Variants in DHTKD1 observed in about 807,000 individuals in gnomAD.
DHTKD1 encodes 2-oxoadipate dehydrogenase complex component E1.
Under a neutral mutation model 101.8 loss-of-function variants are expected in DHTKD1, and 78 were observed. That is an observed-to-expected ratio of 0.77 (90% CI 0.64 to 0.93). The LOEUF (loss-of-function observed/expected upper bound fraction) is 0.93, where lower values mean the gene tolerates loss of function less well. DHTKD1 is among the 40% of genes least tolerant of loss of function. DHTKD1 has a pLI of 0.00. For synonymous variants in DHTKD1, 462 were observed against 450.3 expected, an observed-to-expected ratio of 1.03 and a Z score of -0.33; for missense variants, 1,223 against 1,161.7, an observed-to-expected ratio of 1.05 and a Z score of -0.77.
At chr10:12,100,848 A>C (rs111977549) in intron 9 of DHTKD1, among the ~76,000 whole-genome samples, 194 bp from the exon 10 acceptor site, 4 of 152,186 alleles carry the variant, frequency 2.6e-5, no homozygotes, top group African/African-American at 9.6e-5. Flanking sequence ...TGCAGGGCAC[A>C]TGATACCTCT....
rs186419705 is a variant in DHTKD1 at position 12,110,668 on chromosome 10, C to T, written c.2155-2232C>T. ...GGGGAAGAGAACATTTAAAATCTAT[C>T]CTCTTAGTAATTTTCAGGTATATAA... is the stretch of plus-strand genomic sequence containing the variant. On this transcript the variant is annotated intron_variant, in intron 12 of 16. Coordinates refer to ENST00000263035, the MANE Select transcript of DHTKD1 (RefSeq NM_018706.7). This position sits in a 1 kb window ranked among gnomAD's most constrained non-coding sequence, Gnocchi z 4.9. 3.5e-3 allele frequency among the ~76,000 whole-genome samples: 530 copies of T among 152,188 alleles called. No homozygotes were observed. Among genetic ancestry groups the T allele is most frequent in the Middle Eastern group, 0.017 (5 of 294 alleles).
chr10:12,116,680 C>T (rs187594505), intron 13 of DHTKD1, among the ~76,000 whole-genome samples: 11 of 151,554 alleles, frequency 7.3e-5, no homozygotes, highest in South Asian at 4.2e-4. Context: ...CATGAGCCAC[C>T]GCGCCCAGTC....
intron 1 of DHTKD1, among the ~76,000 whole-genome samples, chr10:12,076,494 T>G (rs933379602): frequency 2.6e-5 from 4 of 151,958 alleles, no homozygotes; most frequent in African/African-American, 9.7e-5. Flanking sequence ...AGAGCTTTAT[T>G]GTACATGTTC....
chr10:12,101,226 T>G, intron 10 of DHTKD1, 45 bp downstream of exon 10: 5 of 1,581,908 alleles, frequency 3.2e-6, no homozygotes, highest in Non-Finnish European at 4.3e-6. Flanking sequence ...TGCCAACGAT[T>G]ACACTTCCAG....
intron 6 of DHTKD1, 94 bp from the exon 7 acceptor site, chr10:12,093,979 T>C: frequency 9.2e-7 from 1 of 1,086,402 alleles, no homozygotes; most frequent in South Asian, 1.4e-5. Flanking sequence ...CTGTGAGGAT[T>C]GGGCTGTCTT....
At chr10:12,069,218 G>A (rs983745939) in intron 1 of DHTKD1, 31 bp downstream of exon 1, 6 of 1,518,578 alleles carry the variant, frequency 4.0e-6, no homozygotes, top group African/African-American at 2.8e-5. Context: ...GGTGGGAGCG[G>A]GGGCTGGGAC....
At chr10:12,106,888 T>C (rs1300111451) in intron 11 of DHTKD1, among the ~76,000 whole-genome samples, 1 of 152,202 alleles carries the variant, frequency 6.6e-6, no homozygotes, top group Non-Finnish European at 1.5e-5. Flanking sequence ...GACTTCTGAC[T>C]TGTCCAGAGA....
At chr10:12,117,844 AG>A in intron 14 of DHTKD1, 89 bp downstream of exon 14, 1 of 151,974 alleles carries the variant, frequency 6.6e-6, no homozygotes, top group African/African-American at 7.2e-5. Flanking sequence ...CAGGTGATGC[AG>A]ATCTCCCCTC....
At chr10:12,090,409 T>TCC (rs1832971312) in intron 5 of DHTKD1, among the ~76,000 whole-genome samples, 21 of 16,038 alleles carry the variant, frequency 1.3e-3, no homozygotes, top group African/African-American at 1.7e-3. Flanking sequence ...TCCTTCCTTT[T>TCC]TTCCTTCCTT....
chr10:12,118,113 C>T, intron 14 of DHTKD1, among the ~76,000 whole-genome samples: 1 of 151,864 alleles, frequency 6.6e-6, no homozygotes, highest in Non-Finnish European at 1.5e-5. Context: ...TGGTCTCGAA[C>T]TCCTGACCTC....
intron 15 of DHTKD1, among the ~76,000 whole-genome samples, chr10:12,119,403 C>G (rs1833479920): frequency 6.6e-6 from 1 of 151,276 alleles, no homozygotes. Context: ...ATCACGAGGT[C>G]AGGAGATCAA....
At chr10:12,106,204 T>C in intron 10 of DHTKD1, 42 bp from the exon 11 acceptor site, 1 of 1,611,908 alleles carries the variant, frequency 6.2e-7, no homozygotes, top group Non-Finnish European at 8.5e-7. Context: ...TGCTCTGCCG[T>C]GGCCCTCACA....
chr10:12,099,138 C>T (rs904043750), intron 8 of DHTKD1, among the ~76,000 whole-genome samples: 1 of 151,762 alleles, frequency 6.6e-6, no homozygotes, highest in Non-Finnish European at 1.5e-5. Flanking sequence ...CCACTGTACT[C>T]CAGCCTGGGT....
chr10:12,088,776 G>A (rs1189809776), intron 4 of DHTKD1, among the ~76,000 whole-genome samples: 1 of 151,864 alleles, frequency 6.6e-6, no homozygotes, highest in African/African-American at 2.4e-5. Context: ...ATAGAGACGG[G>A]GTTTCACCAT....
intron 2 of DHTKD1, among the ~76,000 whole-genome samples, chr10:12,083,099 A>G (rs886425528): frequency 1.3e-5 from 2 of 152,064 alleles, no homozygotes; most frequent in Non-Finnish European, 2.9e-5. Context: ...CGGAGCTTGC[A>G]GTGAGCCAAG....
chr10:12,095,812 CAAAAAAAAAA>C (rs1185585860), intron 7 of DHTKD1, among the ~76,000 whole-genome samples: 1 of 41,498 alleles, frequency 2.4e-5, no homozygotes, highest in African/African-American at 7.5e-5. Context: ...GACTCCGTCT[CAAAAAAAAAA>C]AAAAAAAAAA....
chr10:12,088,177 G>T (rs911899608), intron 4 of DHTKD1, among the ~76,000 whole-genome samples: 1 of 151,992 alleles, frequency 6.6e-6, no homozygotes, highest in Non-Finnish European at 1.5e-5. Flanking sequence ...GTCAACTAAG[G>T]CTGGGCAAGG....
chr10:12,092,776 G>A (rs796603264), intron 6 of DHTKD1, among the ~76,000 whole-genome samples: 4 of 151,944 alleles, frequency 2.6e-5, no homozygotes, highest in South Asian at 2.1e-4. Flanking sequence ...GCACTACAGC[G>A]TGGGCAACAA....
At chr10:12,113,088 C>G (rs756481909) in intron 13 of DHTKD1, 24 bp downstream of exon 13, 4 of 1,553,498 alleles carry the variant, frequency 2.6e-6, no homozygotes, top group Non-Finnish European at 3.5e-6. Context: ...GGTGAATAAG[C>G]CTTCCTCCTT....
Sources: gnomAD v4.1 joint callset for allele counts (sites outside exome capture counted in the v4.1 genomes callset) on GRCh38, gnomAD v4.1.1 for gene constraint, Gnocchi (gnomAD v3.1) non-coding constraint, MANE v1.5 for transcripts, NCBI Gene and HGNC (gene_info 2026-07-23, HGNC 2026-07-21) for gene names.